Variants in EMCN observed in about 807,000 individuals in gnomAD.
EMCN encodes the protein endomucin.
Under a neutral mutation model 38.4 loss-of-function variants are expected in EMCN, and 37 were observed. The ratio of observed to expected loss-of-function variants is 0.96; its 90% CI spans 0.74 to 1.27. The LOEUF is 1.27. EMCN is among the 50% of genes most tolerant of loss of function. The pLI, the probability that EMCN is intolerant of heterozygous loss-of-function variation, is 0.00. For missense variants in EMCN, 318 were observed against 302.8 expected, an observed-to-expected ratio of 1.05 and a Z score of -0.37; for synonymous variants, 95 against 100.8, an observed-to-expected ratio of 0.94 and a Z score of 0.35.
chr4:100,510,126 A>G (rs1729589280), intron 1 of EMCN, among the ~76,000 whole-genome samples: 1 of 152,204 alleles, frequency 6.6e-6, no homozygotes, highest in Admixed American at 6.5e-5. Flanking sequence ...CCACTAACAT[A>G]TTCAACCTCT....
intron 5 of EMCN, among the ~76,000 whole-genome samples, chr4:100,438,715 G>A (rs914141095): frequency 2.0e-5 from 3 of 151,484 alleles, no homozygotes; most frequent in Non-Finnish European, 3.0e-5. Context: ...TGTAGCTGTG[G>A]GTTTTTCATA....
intron 11 of EMCN, among the ~76,000 whole-genome samples, chr4:100,400,353 A>ATTTTTTTTTTTTT (rs3214622): frequency 6.8e-6 from 1 of 146,748 alleles, no homozygotes; most frequent in Non-Finnish European, 1.5e-5. Context: ...CCTAGGCCAC[A>ATTTTTTTTTTTTT]TTTTTTTTTT....
intron 1 of EMCN, among the ~76,000 whole-genome samples, chr4:100,508,823 A>G (rs747824395): frequency 1.3e-5 from 2 of 152,220 alleles, no homozygotes; most frequent in Non-Finnish European, 2.9e-5. Flanking sequence ...TGATTTGAAC[A>G]GTCACTATAA....
intron 4 of EMCN, among the ~76,000 whole-genome samples, chr4:100,452,351 A>G (rs1362554788): frequency 6.6e-6 from 1 of 152,188 alleles, no homozygotes; most frequent in South Asian, 2.1e-4. Flanking sequence ...GTTATTAAGA[A>G]AAGCCAGATT....
intron 11 of EMCN, among the ~76,000 whole-genome samples, chr4:100,399,197 A>G (rs1229296443): frequency 1.3e-5 from 2 of 152,180 alleles, no homozygotes; most frequent in Non-Finnish European, 2.9e-5. Flanking sequence ...ACAACTTTCG[A>G]TATTGGTCTA....
chr4:100,429,476 T>C (rs1727140076), intron 5 of EMCN, among the ~76,000 whole-genome samples: 1 of 152,134 alleles, frequency 6.6e-6, no homozygotes, highest in East Asian at 1.9e-4. Flanking sequence ...TGCCTTCGGA[T>C]GATGCAAATT....
intron 11 of EMCN, among the ~76,000 whole-genome samples, chr4:100,410,012 A>G (rs1726507871): frequency 6.6e-6 from 1 of 152,228 alleles, no homozygotes; most frequent in Non-Finnish European, 1.5e-5. Context: ...CTGAATTTAC[A>G]AGGAAACATT....
At chr4:100,455,537 A>AC (rs1288020613) in intron 4 of EMCN, among the ~76,000 whole-genome samples, 1 of 22,980 alleles carries the variant, frequency 4.4e-5, no homozygotes, top group Non-Finnish European at 7.8e-5. Flanking sequence ...TCCAGTACTA[A>AC]AAAGTTGTTT....
intron 5 of EMCN, among the ~76,000 whole-genome samples, chr4:100,425,021 A>G (rs549281878): frequency 6.6e-6 from 1 of 152,248 alleles, no homozygotes; most frequent in African/African-American, 2.4e-5. Flanking sequence ...CTAATGACCC[A>G]TGGATAGGCC....
rs546499104 is a variant in EMCN at position 100,474,812 on chromosome 4, G to T, written c.259+226C>A. 5.9e-5 allele frequency among the ~76,000 whole-genome samples: 9 copies of T among 152,266 alleles called. No homozygotes were observed. In the South Asian group the frequency reaches 1.4e-3, roughly 25 times the overall value. On this transcript the variant is annotated intron_variant, in intron 3 of 11. Coordinates refer to ENST00000296420, the MANE Select transcript of EMCN (RefSeq NM_016242.4). Reference sequence around the variant, plus strand: ...CCAGAACAGGCAAATCTATAAAGGAGGTTAGTGGTTACCAGAAGCTGGGAG... The same window carrying T: ...CCAGAACAGGCAAATCTATAAAGGATGTTAGTGGTTACCAGAAGCTGGGAG...
In EMCN at chr4:100,420,857, C is replaced by T. The variant is rs934571493; in HGVS notation, c.664+425G>A. Among the ~76,000 whole-genome samples, 7 of 151,896 alleles carry T rather than the reference C, an allele frequency of 4.6e-5. No individual in the cohort carries two copies. The East Asian group carries it at 1.4e-3, about 29-fold the overall frequency. ...GAAGATACTTTCGTTGGGTGTGTCTCCCAGGAGGGAAATTAGTCACGGGAC... is the reference window on the plus strand; with the variant it reads ...GAAGATACTTTCGTTGGGTGTGTCTTCCAGGAGGGAAATTAGTCACGGGAC... On this transcript the variant is annotated intron_variant, in intron 8 of 11. Coordinates refer to ENST00000296420, the MANE Select transcript of EMCN (RefSeq NM_016242.4).
At chr4:100,432,317 C>T (rs553815415) in intron 5 of EMCN, among the ~76,000 whole-genome samples, 15 of 151,592 alleles carry the variant, frequency 9.9e-5, no homozygotes, top group Non-Finnish European at 1.6e-4. Flanking sequence ...AGGAAAGAAA[C>T]GAAAAATAAA....
chr4:100,410,240 G>A, intron 11 of EMCN, 42 bp downstream of exon 11: 3 of 1,303,754 alleles, frequency 2.3e-6, no homozygotes, highest in Non-Finnish European at 3.3e-6. Context: ...TAACAAAACA[G>A]ATATTAATGA....
At chr4:100,441,610 T>C (rs1470248209) in intron 5 of EMCN, among the ~76,000 whole-genome samples, 1 of 152,204 alleles carries the variant, frequency 6.6e-6, no homozygotes, top group Non-Finnish European at 1.5e-5. Flanking sequence ...TGTAATTTGG[T>C]AATTTTCTGT....
At chr4:100,410,928 C>A (rs372948604) in intron 10 of EMCN, among the ~76,000 whole-genome samples, 5 of 152,120 alleles carry the variant, frequency 3.3e-5, no homozygotes, top group African/African-American at 9.7e-5. Flanking sequence ...AGCTGAGAGG[C>A]CCCAAGTATT....
intron 5 of EMCN, among the ~76,000 whole-genome samples, chr4:100,432,132 C>T (rs1727220961): frequency 6.6e-6 from 1 of 151,996 alleles, no homozygotes; most frequent in African/African-American, 2.4e-5. Flanking sequence ...ATAAACAGCC[C>T]TTCATCACTT....
intron 3 of EMCN, among the ~76,000 whole-genome samples, chr4:100,469,154 A>C (rs917544271): frequency 2.0e-5 from 3 of 152,112 alleles, no homozygotes; most frequent in African/African-American, 7.2e-5. Context: ...TCTTCAATAC[A>C]TTGCACTGGG....
At chr4:100,424,455 G>T (rs369247287) in intron 5 of EMCN, among the ~76,000 whole-genome samples, 1 of 152,038 alleles carries the variant, frequency 6.6e-6, no homozygotes. Context: ...CTCCTTGGGC[G>T]TATTGAGGCC....
chr4:100,449,877 C>T (rs534101122), intron 4 of EMCN, among the ~76,000 whole-genome samples: 12 of 151,964 alleles, frequency 7.9e-5, no homozygotes, highest in Admixed American at 3.9e-4. Flanking sequence ...TTCTGTAAGT[C>T]TCAAATATTT....
Sources: allele counts gnomAD v4.1 joint callset (sites outside exome capture counted in the v4.1 genomes callset), GRCh38; gene constraint gnomAD v4.1.1; transcripts MANE v1.5; gene names NCBI Gene and HGNC (gene_info 2026-07-23, HGNC 2026-07-21).